Variants in TACC3 observed in about 807,000 individuals in gnomAD.
TACC3 encodes transforming acidic coiled-coil-containing protein 3.
Under a neutral mutation model 86.0 loss-of-function variants are expected in TACC3, and 52 were observed. That is an observed-to-expected ratio of 0.60 (90% CI 0.48 to 0.76). The LOEUF (loss-of-function observed/expected upper bound fraction) is 0.76, where lower values mean the gene tolerates loss of function less well. Among genes scored for constraint, TACC3 ranks in the 30% least tolerant of loss-of-function variants. TACC3 has a pLI of 0.00. For synonymous variants in TACC3, 512 were observed against 430.0 expected (o/e 1.19, Z -2.36); for missense variants, 1,120 against 1,070.4 (o/e 1.05, Z -0.65).
intron 4 of TACC3, 35 bp from the exon 5 acceptor site, chr4:1,730,852 G>C (rs1486510451): frequency 5.6e-6 from 9 of 1,606,024 alleles, no homozygotes; most frequent in Non-Finnish European, 7.7e-6. Flanking sequence ...TTATGGGGTG[G>C]GGGGCATGGG....
At chr4:1,725,974 C>T (rs2108684860) in intron 3 of TACC3, among the ~76,000 whole-genome samples, 1 of 152,360 alleles carries the variant, frequency 6.6e-6, no homozygotes, top group South Asian at 2.1e-4. Flanking sequence ...CATCTTCAAA[C>T]TTAGAGTTGG....
At chr4:1,723,088 C>T in intron 1 of TACC3, 1 of 228,334 alleles carries the variant, frequency 4.4e-6, no homozygotes, top group Non-Finnish European at 8.7e-6. Flanking sequence ...TTGACTTCTG[C>T]TTGATATAGT....
chr4:1,744,603 A>C lies in TACC3; in HGVS notation c.2309A>C (p.His770Pro). ...EGQRYQALKAHAEEKLQLANE... is the reference protein window; with the variant it reads ...EGQRYQALKAPAEEKLQLANE... Reference sequence around the variant, plus strand: ...CAGAGGTACCAAGCCCTGAAGGCCCACGCGGAGGAGAAGCTGCAGCTGTGA... The same window carrying C: ...CAGAGGTACCAAGCCCTGAAGGCCCCCGCGGAGGAGAAGCTGCAGCTGTGA... The change falls in exon 14 of 16, where the codon CAC becomes CCC. Residue 770 changes from histidine to proline, a missense_variant. His to Pro is a moderately conservative substitution (Grantham distance 77, BLOSUM62 -2). Coordinates refer to ENST00000313288, the MANE Select transcript of TACC3 (RefSeq NM_006342.3). The C allele has an allele frequency of 6.2e-7, 1 of 1,613,194 alleles. No homozygotes were observed. Among genetic ancestry groups the C allele is most frequent in the Non-Finnish European group, 8.5e-7 (1 of 1,179,988 alleles).
intron 4 of TACC3, 192 bp from the exon 5 acceptor site, chr4:1,730,695 C>T (rs1235385014): frequency 1.5e-5 from 11 of 736,918 alleles, no homozygotes; most frequent in African/African-American, 5.1e-5. Flanking sequence ...TGTTTTCCTG[C>T]TGGGTGAGGT....
intron 13 of TACC3, chr4:1,741,471 C>T: frequency 6.5e-6 from 1 of 153,126 alleles, no homozygotes; most frequent in East Asian, 1.9e-4. Context: ...ACCTTCTGTG[C>T]TGGGCAAGGC....
intron 6 of TACC3, among the ~76,000 whole-genome samples, chr4:1,732,550 G>A (rs1021719535): frequency 1.4e-5 from 2 of 146,976 alleles, no homozygotes; most frequent in South Asian, 4.3e-4. Context: ...ACAGCCAGGT[G>A]GGTATAAGAT....
At chr4:1,739,477 GCCAGCA>G in intron 10 of TACC3, 5 of 579,498 alleles carry the variant, frequency 8.6e-6, no homozygotes, top group South Asian at 4.4e-5. Context: ...CAGGAGCACA[GCCAGCA>G]GCCTCATGCC....
At position 1,745,122 on chromosome 4, in the gene TACC3, C is replaced by G; in HGVS notation, c.*109C>G. ...GTCTTGTCTTCAACTTTTTTAAAAA[C>G]TAGATTGCTTTGAAAACATGACTCA... On this transcript the variant is annotated 3_prime_UTR_variant, in exon 16 of 16. Coordinates refer to ENST00000313288, the MANE Select transcript of TACC3 (RefSeq NM_006342.3). The G allele has an allele frequency of 2.6e-6, 3 of 1,155,598 alleles. No homozygotes were observed. The highest frequency in any genetic ancestry group is 3.7e-6 in the Non-Finnish European group (3 of 817,208). The allele number at this position is 1,155,598 out of a possible 1,614,324, so 71.6% of individuals were successfully genotyped here. A position where few individuals can be genotyped will look rare whatever the true frequency, so the allele number is the denominator to read the frequency against.
At position 1,739,787 on chromosome 4, in the gene TACC3, G is replaced by A. The variant is rs1429315798; in HGVS notation, c.2018+9G>A. On this transcript the variant is annotated intron_variant, in intron 11 of 15. Transcript: ENST00000313288. ...AAGAACCTGGAACTGGGGTAAGGAG[G>A]CCCCGTCTCCTGTCCTCCCCGTCCC... 1.0e-5 allele frequency: 16 copies of A among 1,581,286 alleles called. No individual in the cohort carries two copies. The highest frequency in any genetic ancestry group is 1.3e-5 in the Non-Finnish European group (15 of 1,164,736).
chr4:1,726,410 C>T (rs987453258), intron 3 of TACC3, among the ~76,000 whole-genome samples: 1 of 152,154 alleles, frequency 6.6e-6, no homozygotes, highest in Non-Finnish European at 1.5e-5. Flanking sequence ...TGCAGAAAAC[C>T]TTTGTTTACC....
chr4:1,733,576 T>C (rs917459433), intron 6 of TACC3, among the ~76,000 whole-genome samples: 4 of 152,086 alleles, frequency 2.6e-5, no homozygotes, highest in Admixed American at 6.6e-5. Context: ...GGAGGCTCGC[T>C]TGAGCCAGGA....
At chr4:1,733,976 C>CAA (rs59539835) in intron 6 of TACC3, among the ~76,000 whole-genome samples, 3,793 of 123,390 alleles carry the variant, frequency 0.031, 76 homozygotes, top group Middle Eastern at 0.048. Context: ...GACTCTGTCT[C>CAA]AAAAAAAAAA....
chr4:1,744,360 C>G, intron 13 of TACC3, 158 bp from the exon 14 acceptor site: 2 of 658,188 alleles, frequency 3.0e-6, no homozygotes, highest in Middle Eastern at 8.5e-4. Flanking sequence ...GAGCTGGGAA[C>G]TTGTGTGAAG....
intron 4 of TACC3, chr4:1,730,345 G>A (rs1276090502): frequency 1.8e-5 from 4 of 219,360 alleles, no homozygotes; most frequent in African/African-American, 2.3e-5. Context: ...CGTTTCCTAG[G>A]TTATTATTGT....
In TACC3 at chr4:1,728,284, A is replaced by G; in HGVS notation, c.882A>G (p.Ala294=). Residue 294 remains alanine (A), a synonymous_variant, in exon 4 of 16, where the codon GCA becomes GCG. Coordinates refer to ENST00000313288, the MANE Select transcript of TACC3 (RefSeq NM_006342.3). ...PADGTQTLTC[A]HTSAPESTAP... ...ATGGCACTCAGACCCTTACCTGTGC[A>G]CACACCTCTGCTCCTGAGAGCACAG... The G allele has an allele frequency of 1.9e-6, 3 of 1,612,778 alleles. No individual in the cohort carries two copies. Among genetic ancestry groups the G allele is most frequent in the Non-Finnish European group, 2.5e-6 (3 of 1,180,018 alleles).
rs889575982 is a variant in TACC3 at position 1,735,658 on chromosome 4, C to T, written c.1645-73C>T. The T allele has an allele frequency of 2.0e-5, 24 of 1,223,160 alleles. No individual in the cohort carries two copies. The highest frequency in any genetic ancestry group is 1.9e-4 in the Middle Eastern group (1 of 5,330). The allele number at this position is 1,223,160 out of a possible 1,614,324, so 75.8% of individuals were successfully genotyped here. ...CCGGGGGTGGGAGTGTGCAGGTGAC[C>T]TCCCTGGCCCTTAGCCCCCGTGTGT... On this transcript the variant is annotated intron_variant, in intron 7 of 15. Transcript: ENST00000313288. This position sits in a 1 kb window ranked among gnomAD's most constrained non-coding sequence, Gnocchi z 4.2.
At position 1,731,305 on chromosome 4, in the gene TACC3, C is replaced by T. The variant is rs763505097; in HGVS notation, c.1591+4C>T. On this transcript the variant is annotated splice_donor_region_variant and intron_variant, in intron 6 of 15. Transcript: ENST00000313288. ...AGCTTCAGAGACCCCGCTGAGGGTA[C>T]GTTGCCTGGCACAGACGTCACACAC... 5 of 1,612,722 alleles carry T rather than the reference C, an allele frequency of 3.1e-6. No individual in the cohort carries two copies. The highest frequency in any genetic ancestry group is 2.2e-5 in the East Asian group (1 of 44,898).
intron 11 of TACC3, 59 bp from the exon 12 acceptor site, chr4:1,739,900 C>T: frequency 6.2e-7 from 1 of 1,608,260 alleles, no homozygotes; most frequent in African/African-American, 1.3e-5. Context: ...CCATCCCCAC[C>T]TGGCCTGGGA....
chr4:1,739,396 CTAG>C (rs1718450672), intron 10 of TACC3: 2 of 479,168 alleles, frequency 4.2e-6, no homozygotes, highest in Non-Finnish European at 7.5e-6. Context: ...CTTAGGACCC[CTAG>C]TATCTGCCAC....
Sources: gnomAD v4.1 joint callset for allele counts (sites outside exome capture counted in the v4.1 genomes callset) on GRCh38, gnomAD v4.1.1 for gene constraint, Gnocchi (gnomAD v3.1) non-coding constraint, MANE v1.5 for transcripts, NCBI Gene and HGNC (gene_info 2026-07-23, HGNC 2026-07-21) for gene names.